CLVS1: variants seen among roughly 807,000 people sequenced by gnomAD.
The protein encoded by CLVS1 is clavesin 1.
A neutral mutation model predicts 33.1 loss-of-function variants in CLVS1; 10 were observed. The ratio of observed to expected loss-of-function variants is 0.30; its 90% CI spans 0.19 to 0.51. The LOEUF (loss-of-function observed/expected upper bound fraction) is 0.51, where lower values mean the gene tolerates loss of function less well. Ranked by LOEUF, CLVS1 falls within the 20% of genes least tolerant of loss-of-function variation. The pLI, the probability that CLVS1 is intolerant of heterozygous loss-of-function variation, is 0.97. For missense variants in CLVS1, 343 were observed against 433.4 expected, an observed-to-expected ratio of 0.79 and a Z score of 1.85; for synonymous variants, 163 against 166.1, an observed-to-expected ratio of 0.98 and a Z score of 0.14.
At chr8:61,229,974 C>T (rs974043267) in intron 2 of CLVS1, among the ~76,000 whole-genome samples, 4 of 152,118 alleles carry the variant, frequency 2.6e-5, no homozygotes, top group African/African-American at 7.2e-5. Flanking sequence ...TCTTATTTGA[C>T]GTTCACATCA....
the CLVS1 span, among the ~76,000 whole-genome samples, chr8:60,968,290 C>T: frequency 3.3e-5 from 5 of 152,092 alleles, no homozygotes; most frequent in Non-Finnish European, 5.9e-5. Context: ...CCGAGGCCGG[C>T]GGATCACCTG....
At chr8:61,023,214 C>A in the CLVS1 span, among the ~76,000 whole-genome samples, 1 of 152,208 alleles carries the variant, frequency 6.6e-6, no homozygotes, top group Admixed American at 6.5e-5. Context: ...TTAACAAATT[C>A]TTTAACATGG....
chr8:61,009,658 C>G, the CLVS1 span, among the ~76,000 whole-genome samples: 1 of 152,104 alleles, frequency 6.6e-6, no homozygotes, highest in African/African-American at 2.4e-5. Flanking sequence ...GGGGCATGAA[C>G]CCAATGTCTC....
chr8:61,255,510 G>A (rs954425925), intron 2 of CLVS1, among the ~76,000 whole-genome samples: 70 of 152,176 alleles, frequency 4.6e-4, no homozygotes, highest in African/African-American at 1.4e-3. Context: ...AGGTGAAGGA[G>A]CGAAAATAAA....
chr8:61,292,547 G>A (rs1242338554), intron 1 of CLVS1: 1 of 342,404 alleles, frequency 2.9e-6, no homozygotes, highest in Non-Finnish European at 5.8e-6. Flanking sequence ...GAAGACAGAA[G>A]GGTCAAGGTT....
In CLVS1 at chr8:61,499,671, C is replaced by T. The variant is rs1804493279; in HGVS notation, c.*129C>T. On this transcript the variant is annotated 3_prime_UTR_variant, in exon 6 of 6. Transcript: ENST00000325897. ...ACACAAGGTCCTCCACTCCTGAACC[C>T]CTGCAGTGACTGTCACCAGCCATCG... is the stretch of plus-strand genomic sequence containing the variant. 1 of 562,762 alleles carries T rather than the reference C, an allele frequency of 1.8e-6. No homozygotes were observed. The highest frequency in any genetic ancestry group is 3.2e-6 in the Non-Finnish European group (1 of 314,600). The allele number at this position is 562,762 out of a possible 1,614,324, so 34.9% of individuals were successfully genotyped here.
the CLVS1 span, among the ~76,000 whole-genome samples, chr8:61,036,042 C>G: frequency 1.8e-5 from 2 of 109,566 alleles, no homozygotes; most frequent in Non-Finnish European, 4.1e-5. Flanking sequence ...CTCCTGCCAC[C>G]ACGGCCTCCA....
At chr8:60,980,536 A>G in the CLVS1 span, among the ~76,000 whole-genome samples, 1 of 152,230 alleles carries the variant, frequency 6.6e-6, no homozygotes, top group Non-Finnish European at 1.5e-5. Context: ...CTGTAATCCC[A>G]GCACTTTGGG....
chr8:61,394,023 T>C (rs943503211), intron 3 of CLVS1, among the ~76,000 whole-genome samples: 2 of 152,166 alleles, frequency 1.3e-5, no homozygotes, highest in Non-Finnish European at 2.9e-5. Flanking sequence ...CCCTACCCTT[T>C]TACCTCTTAA....
intron 2 of CLVS1, among the ~76,000 whole-genome samples, chr8:61,352,007 G>T (rs1002040867): frequency 6.6e-6 from 1 of 151,986 alleles, no homozygotes; most frequent in African/African-American, 2.4e-5. Flanking sequence ...ACAAGAGGAA[G>T]AGTAGAAACA....
At chr8:61,292,453 G>C (rs538896402) in intron 1 of CLVS1, 162 of 455,520 alleles carry the variant, frequency 3.6e-4, no homozygotes, top group African/African-American at 2.4e-3. Flanking sequence ...GGCCGTTTTT[G>C]GGTGAGTCCT....
chr8:61,173,855 G>A (rs553272183), intron 2 of CLVS1, among the ~76,000 whole-genome samples: 1 of 152,290 alleles, frequency 6.6e-6, no homozygotes, highest in Non-Finnish European at 1.5e-5. Context: ...TGAGTCTGGG[G>A]ATAGAACCAA....
intron 2 of CLVS1, among the ~76,000 whole-genome samples, chr8:61,282,038 A>C (rs1042948211): frequency 3.9e-5 from 6 of 152,328 alleles, no homozygotes; most frequent in African/African-American, 1.4e-4. Context: ...CCATCACCCT[A>C]GCCACAACTA....
intron 2 of CLVS1, among the ~76,000 whole-genome samples, chr8:61,206,318 G>A (rs1807839760): frequency 6.6e-6 from 1 of 152,162 alleles, no homozygotes. Context: ...ATATATTCAG[G>A]ACTGTGTATA....
intron 2 of CLVS1, among the ~76,000 whole-genome samples, chr8:61,302,506 G>T (rs958831847): frequency 2.2e-4 from 34 of 152,262 alleles, no homozygotes; most frequent in African/African-American, 7.9e-4. Context: ...TGTTCAGCTG[G>T]ATGCTTAGCA....
At chr8:61,077,164 C>A (rs1804928646) in intron 1 of CLVS1, among the ~76,000 whole-genome samples, 1 of 151,788 alleles carries the variant, frequency 6.6e-6, no homozygotes, top group African/African-American at 2.4e-5. Context: ...AGCTCCGCCT[C>A]CAGAGTTCAC....
At chr8:60,969,258 G>C in the CLVS1 span, among the ~76,000 whole-genome samples, 775 of 152,292 alleles carry the variant, frequency 5.1e-3, 10 homozygotes, top group African/African-American at 0.018. Context: ...GGCAGTGTCT[G>C]GTGGCTGGTG....
intron 1 of CLVS1, among the ~76,000 whole-genome samples, chr8:61,079,180 ACTGT>A (rs1478788955): frequency 1.3e-5 from 2 of 152,180 alleles, no homozygotes; most frequent in African/African-American, 2.4e-5. Flanking sequence ...TTATAATTGC[ACTGT>A]CTTTCTTTCT....
intron 5 of CLVS1, among the ~76,000 whole-genome samples, chr8:61,479,487 A>G (rs1377183788): frequency 1.3e-5 from 2 of 151,336 alleles, no homozygotes; most frequent in Admixed American, 1.3e-4. Context: ...CATTCGTCTA[A>G]TTTTTTTTTC....
Sources: allele counts gnomAD v4.1 joint callset (sites outside exome capture counted in the v4.1 genomes callset), GRCh38; gene constraint gnomAD v4.1.1; transcripts MANE v1.5; gene names NCBI Gene and HGNC (gene_info 2026-07-23, HGNC 2026-07-21).